TPH2: variants seen among roughly 807,000 people sequenced by gnomAD.
The protein encoded by TPH2 is tryptophan 5-hydroxylase 2.
In TPH2, 27 loss-of-function variants were observed where a neutral mutation model predicts 59.1. The observed-to-expected ratio is 0.46, with a 90% CI of 0.34 to 0.63. The LOEUF is 0.63. TPH2 is among the 30% of genes least tolerant of loss of function. The probability of loss-of-function intolerance (pLI) is 0.01; values close to 1 mark genes in which losing one functional copy is unlikely to be tolerated. For missense variants in TPH2, 523 were observed against 588.3 expected (o/e 0.89, Z 1.15); for synonymous variants, 220 against 210.5 (o/e 1.05, Z -0.39).
At chr12:71,968,933 G>T (rs1159867405) in intron 5 of TPH2, among the ~76,000 whole-genome samples, 1 of 67,518 alleles carries the variant, frequency 1.5e-5, no homozygotes, top group Admixed American at 1.6e-4. Flanking sequence ...CGTAGTTGTA[G>T]GATGTTGGAA....
At chr12:71,942,670 A>C (rs181399256) in intron 2 of TPH2, among the ~76,000 whole-genome samples, 39 of 152,202 alleles carry the variant, frequency 2.6e-4, no homozygotes, top group Non-Finnish European at 5.3e-4. Flanking sequence ...ACATAATATG[A>C]GTGAAAGTGC....
At chr12:71,942,447 G>A (rs1371666430) in intron 2 of TPH2, among the ~76,000 whole-genome samples, 1 of 152,130 alleles carries the variant, frequency 6.6e-6, no homozygotes. Context: ...TTGTTTGGGG[G>A]CAGTGGCGGT....
intron 8 of TPH2, among the ~76,000 whole-genome samples, chr12:72,016,001 CCA>C (rs2139239716): frequency 6.6e-6 from 1 of 152,220 alleles, no homozygotes; most frequent in East Asian, 1.9e-4. Context: ...GGCCTTGTAT[CCA>C]TAAGTGCAGT....
In TPH2 at chr12:71,976,354, A is replaced by T. The variant is rs369211874; in HGVS notation, c.806-2598A>T. On this transcript the variant is annotated intron_variant, in intron 6 of 10. Coordinates refer to ENST00000333850, the MANE Select transcript of TPH2 (RefSeq NM_173353.4). ...GTTTGTATCACGCACTGGCATGTAG[A>T]TAGTATGATGTAAGTATAGGTGTCC... Among the ~76,000 whole-genome samples, 115 of 152,332 alleles carry T rather than the reference A, an allele frequency of 7.5e-4. 1 individual carries two copies. The South Asian group carries it at 0.021, about 28-fold the overall frequency.
intron 5 of TPH2, among the ~76,000 whole-genome samples, chr12:71,952,210 G>T (rs1187490022): frequency 6.6e-6 from 1 of 152,164 alleles, no homozygotes; most frequent in Non-Finnish European, 1.5e-5. Context: ...GTTAACAAGA[G>T]TTTGCGTTTG....
chr12:71,974,420 G>A (rs749493747), intron 6 of TPH2, among the ~76,000 whole-genome samples: 1 of 152,138 alleles, frequency 6.6e-6, no homozygotes, highest in Non-Finnish European at 1.5e-5. Flanking sequence ...AGCTTCTAGA[G>A]TCCTCCTGCA....
intron 8 of TPH2, among the ~76,000 whole-genome samples, chr12:72,018,755 C>T (rs908986190): frequency 2.0e-5 from 3 of 152,196 alleles, no homozygotes; most frequent in African/African-American, 7.2e-5. Flanking sequence ...TAAGAAGATA[C>T]TGTGACATTC....
chr12:71,995,491 G>A (rs1872672124), intron 8 of TPH2, among the ~76,000 whole-genome samples: 1 of 152,156 alleles, frequency 6.6e-6, no homozygotes, highest in East Asian at 1.9e-4. Context: ...CCAGAAATAA[G>A]TTTTCTCCTA....
In TPH2 at chr12:71,981,085, G is replaced by A. The variant is rs190263707; in HGVS notation, c.941+1998G>A. Among the ~76,000 whole-genome samples, 425 of 152,272 alleles carry A rather than the reference G, an allele frequency of 2.8e-3. 4 individuals are homozygous for A. The highest frequency in any genetic ancestry group is 3.4e-3 in the Non-Finnish European group (231 of 68,028). ...AGTCCTGAAAGGCTTTTCAGAGAACGTATAACCTGTGTGGGAGTCTGGAAG... is the reference window on the plus strand; with the variant it reads ...AGTCCTGAAAGGCTTTTCAGAGAACATATAACCTGTGTGGGAGTCTGGAAG... On this transcript the variant is annotated intron_variant, in intron 7 of 10. Coordinates refer to ENST00000333850, the MANE Select transcript of TPH2 (RefSeq NM_173353.4).
intron 8 of TPH2, among the ~76,000 whole-genome samples, chr12:72,021,242 CAA>C (rs1176541751): frequency 6.6e-6 from 1 of 151,768 alleles, no homozygotes; most frequent in Non-Finnish European, 1.5e-5. Context: ...TCTCGTTGTG[CAA>C]AGATTCCTCC....
chr12:72,001,630 C>A (rs968037446), intron 8 of TPH2, among the ~76,000 whole-genome samples: 1 of 152,032 alleles, frequency 6.6e-6, no homozygotes, highest in African/African-American at 2.4e-5. Flanking sequence ...GTTGGCCAGG[C>A]TGGTCTCGAA....
At chr12:71,968,271 G>A (rs1871872291) in intron 5 of TPH2, among the ~76,000 whole-genome samples, 1 of 152,200 alleles carries the variant, frequency 6.6e-6, no homozygotes. Flanking sequence ...ACCATAGCTG[G>A]GGCAGCCCTC....
At chr12:71,976,557 T>TA (rs1872122741) in intron 6 of TPH2, among the ~76,000 whole-genome samples, 7 of 152,254 alleles carry the variant, frequency 4.6e-5, no homozygotes, top group Admixed American at 4.6e-4. Context: ...TACTGTTACA[T>TA]ATGTCCCACA....
At chr12:71,961,782 C>T in intron 5 of TPH2, 10 of 1,295,358 alleles carry the variant, frequency 7.7e-6, no homozygotes, top group Non-Finnish European at 1.0e-5. Context: ...GTGGGAAGCC[C>T]TATCCTGTGG....
chr12:71,992,804 A>G (rs1465049728), intron 7 of TPH2, among the ~76,000 whole-genome samples: 1 of 152,248 alleles, frequency 6.6e-6, no homozygotes, highest in African/African-American at 2.4e-5. Context: ...TACCTAGTAC[A>G]TAGTAGGAGC....
intron 2 of TPH2, 39 bp downstream of exon 2, chr12:71,941,772 C>G (rs772045685): frequency 1.3e-6 from 2 of 1,589,666 alleles, no homozygotes; most frequent in South Asian, 1.1e-5. Flanking sequence ...TAAAAGTGAC[C>G]GTGTGCCTGG....
chr12:71,986,630 C>CT (rs36018735), intron 7 of TPH2, among the ~76,000 whole-genome samples: 75,910 of 131,052 alleles, frequency 0.58, 22,387 homozygotes, highest in African/African-American at 0.61. Context: ...AGCCACCCTT[C>CT]TTTTTTTTTT....
intron 8 of TPH2, among the ~76,000 whole-genome samples, chr12:72,007,448 A>G (rs745764494): frequency 2.6e-5 from 4 of 152,168 alleles, no homozygotes; most frequent in Non-Finnish European, 5.9e-5. Context: ...GGGGTTTCAA[A>G]TCTTGGCTGC....
intron 7 of TPH2, among the ~76,000 whole-genome samples, chr12:71,979,299 A>C (rs545210115): frequency 1.6e-4 from 24 of 152,316 alleles, no homozygotes; most frequent in African/African-American, 5.8e-4. Context: ...CTCTGGCTCG[A>C]TGCTCTAGCT....
Sources: allele counts gnomAD v4.1 joint callset (sites outside exome capture counted in the v4.1 genomes callset), GRCh38; gene constraint gnomAD v4.1.1; transcripts MANE v1.5; gene names NCBI Gene and HGNC (gene_info 2026-07-23, HGNC 2026-07-21).